BTRC: variants seen among roughly 807,000 people sequenced by gnomAD.
BTRC encodes the protein F-box/WD repeat-containing protein 1A.
BTRC carries 42 observed loss-of-function variants against 85.5 expected under a neutral mutation model. That is an observed-to-expected ratio of 0.49 (90% CI 0.38 to 0.64). BTRC has a LOEUF of 0.64. Ranked by LOEUF, BTRC falls within the 30% of genes least tolerant of loss-of-function variation. The pLI, the probability that BTRC is intolerant of heterozygous loss-of-function variation, is 0.00. For missense variants in BTRC, 594 were observed against 743.5 expected (o/e 0.80, Z 2.34); for synonymous variants, 255 against 263.3 (o/e 0.97, Z 0.30).
In BTRC at chr10:101,452,232, A is replaced by G. The variant is rs149731693; in HGVS notation, c.157-9749A>G. On this transcript the variant is annotated intron_variant, in intron 2 of 14. Transcript: ENST00000370187. ...AATTAATCAGTTTCTGCATACTAGC[A>G]TAAATGCACAAGGCCCAGAAATGAA... Among the ~76,000 whole-genome samples the G allele has an allele frequency of 2.0e-5, 3 of 152,366 alleles. No individual in the cohort carries two copies. In the East Asian group the frequency reaches 5.8e-4, roughly 29 times the overall value.
intron 1 of BTRC, among the ~76,000 whole-genome samples, chr10:101,425,074 A>C (rs981432016): frequency 6.6e-6 from 1 of 152,138 alleles, no homozygotes; most frequent in African/African-American, 2.4e-5. Flanking sequence ...TTTCTGCATT[A>C]GTTCGCTTAG....
At chr10:101,459,023 C>T (rs1945152626) in intron 2 of BTRC, among the ~76,000 whole-genome samples, 1 of 152,226 alleles carries the variant, frequency 6.6e-6, no homozygotes, top group Admixed American at 6.5e-5. Flanking sequence ...TGCTCTCAAA[C>T]TCCTGGACTC....
At chr10:101,477,593 C>CATG (rs1306927292) in intron 3 of BTRC, among the ~76,000 whole-genome samples, 1 of 152,186 alleles carries the variant, frequency 6.6e-6, no homozygotes, top group Non-Finnish European at 1.5e-5. Flanking sequence ...GGATCACAGG[C>CATG]ATGAGCCACT....
rs1265691229 is a variant in BTRC, at chr10:101,475,953, A to ATATATATATATATT, written c.235-3414_235-3413insATATATATATATTT. ...TATATATATATATATATATATATAT[A>ATATATATATATATT]TTCAGTAATTCCTAAGGGGAAAATA... On this transcript the variant is annotated intron_variant, in intron 3 of 14. Coordinates refer to ENST00000370187, the MANE Select transcript of BTRC (RefSeq NM_033637.4). 1.3e-3 allele frequency among the ~76,000 whole-genome samples: 176 copies of ATATATATATATATT among 133,716 alleles called. 2 individuals carry two copies. Among genetic ancestry groups the ATATATATATATATT allele is most frequent in the African/African-American group, 3.3e-3 (112 of 33,928 alleles). 87.7% of individuals were successfully genotyped at this position (133,716 alleles called of 152,430 possible).
At chr10:101,472,450 A>T (rs568740038) in intron 3 of BTRC, among the ~76,000 whole-genome samples, 57 of 152,230 alleles carry the variant, frequency 3.7e-4, no homozygotes, top group African/African-American at 1.3e-3. Context: ...GATTATAGGC[A>T]TGAGCCACCC....
At chr10:101,439,548 A>G (rs1287757456) in intron 2 of BTRC, among the ~76,000 whole-genome samples, 1 of 152,184 alleles carries the variant, frequency 6.6e-6, no homozygotes, top group Admixed American at 6.5e-5. Context: ...AGAATGTGAC[A>G]CTTGGTTTTT....
At chr10:101,489,747 C>A (rs1409077459) in intron 4 of BTRC, among the ~76,000 whole-genome samples, 1 of 152,116 alleles carries the variant, frequency 6.6e-6, no homozygotes, top group Non-Finnish European at 1.5e-5. Flanking sequence ...AGGAAAGTTT[C>A]ATCTGACTAG....
At chr10:101,524,311 C>CCTCA (rs1483517514) in intron 5 of BTRC, among the ~76,000 whole-genome samples, 17 of 152,110 alleles carry the variant, frequency 1.1e-4, no homozygotes, top group Non-Finnish European at 2.2e-4. Context: ...TACCTCATTA[C>CCTCA]TTTGTTCTCC....
At chr10:101,380,730 T>C (rs947050824) in intron 1 of BTRC, among the ~76,000 whole-genome samples, 3 of 152,196 alleles carry the variant, frequency 2.0e-5, no homozygotes, top group Non-Finnish European at 4.4e-5. Flanking sequence ...TACACAAGAA[T>C]TGGAGTCAGA....
At chr10:101,496,114 A>G (rs1946253838) in intron 4 of BTRC, among the ~76,000 whole-genome samples, 1 of 152,128 alleles carries the variant, frequency 6.6e-6, no homozygotes. Context: ...ATTTCATTAT[A>G]CATATATGCC....
At chr10:101,550,951 G>A in intron 14 of BTRC, 60 bp downstream of exon 14, 5 of 1,420,870 alleles carry the variant, frequency 3.5e-6, no homozygotes, top group South Asian at 3.0e-5. Context: ...TAGCTGTAAG[G>A]TGTTGCTAGT....
chr10:101,550,407 C>G (rs1251518649), intron 13 of BTRC, among the ~76,000 whole-genome samples: 1 of 152,068 alleles, frequency 6.6e-6, no homozygotes, highest in East Asian at 1.9e-4. Context: ...GCCTCAGCCT[C>G]CCAAGTAGCT....
intron 1 of BTRC, among the ~76,000 whole-genome samples, chr10:101,407,636 C>T (rs1943662518): frequency 6.6e-6 from 1 of 152,146 alleles, no homozygotes; most frequent in East Asian, 1.9e-4. Context: ...GGCAATCCGC[C>T]CACCTTGGCC....
At chr10:101,418,565 C>A (rs955094108) in intron 1 of BTRC, among the ~76,000 whole-genome samples, 7 of 151,888 alleles carry the variant, frequency 4.6e-5, no homozygotes, top group African/African-American at 1.7e-4. Flanking sequence ...CCCAAAATGA[C>A]AGCATGATAT....
intron 1 of BTRC, among the ~76,000 whole-genome samples, chr10:101,385,283 C>T (rs755571356): frequency 1.1e-4 from 16 of 148,678 alleles, no homozygotes; most frequent in Admixed American, 6.2e-4. Context: ...AGGAGAATGG[C>T]GTGAACCCGG....
At chr10:101,413,180 A>G (rs541941768) in intron 1 of BTRC, among the ~76,000 whole-genome samples, 2 of 152,300 alleles carry the variant, frequency 1.3e-5, no homozygotes, top group African/African-American at 4.8e-5. Context: ...GCTAGAGTGC[A>G]GTGGTGCAAT....
chr10:101,422,948 G>T (rs979369661), intron 1 of BTRC, among the ~76,000 whole-genome samples: 1 of 152,134 alleles, frequency 6.6e-6, no homozygotes, highest in Admixed American at 6.5e-5. Flanking sequence ...ACTTGGCAAT[G>T]CGGGCTCTTT....
intron 4 of BTRC, among the ~76,000 whole-genome samples, chr10:101,506,039 C>T (rs116952915): frequency 0.067 from 10,118 of 152,116 alleles, 352 homozygotes; most frequent in Non-Finnish European, 0.074. Flanking sequence ...CTCAGCCTCC[C>T]ATTAGCTGGG....
At chr10:101,362,249 G>A (rs76806353) in intron 1 of BTRC, among the ~76,000 whole-genome samples, 33 of 152,106 alleles carry the variant, frequency 2.2e-4, no homozygotes, top group African/African-American at 7.0e-4. Flanking sequence ...GAGCCACCGT[G>A]CCCGGCCTTG....
Sources: gnomAD v4.1 joint callset for allele counts (sites outside exome capture counted in the v4.1 genomes callset) on GRCh38, gnomAD v4.1.1 for gene constraint, MANE v1.5 for transcripts, NCBI Gene and HGNC (gene_info 2026-07-23, HGNC 2026-07-21) for gene names.